Variants in IL16 observed in about 807,000 individuals in gnomAD.
The protein encoded by IL16 is interleukin 16.
IL16 carries 67 observed loss-of-function variants against 110.1 expected under a neutral mutation model. That is an observed-to-expected ratio of 0.61 (90% CI 0.50 to 0.75). The LOEUF (loss-of-function observed/expected upper bound fraction) is 0.75. IL16 is among the 30% of genes least tolerant of loss of function. The pLI is 0.00. For missense variants in IL16, 1,545 were observed against 1,655.0 expected, an observed-to-expected ratio of 0.93 and a Z score of 1.15; for synonymous variants, 689 against 662.9, an observed-to-expected ratio of 1.04 and a Z score of -0.61.
intron 1 of IL16, among the ~76,000 whole-genome samples, chr15:81,203,539 T>G (rs1367950677): frequency 5.3e-5 from 8 of 151,968 alleles, no homozygotes; most frequent in African/African-American, 1.9e-4. Flanking sequence ...TTTCTACATA[T>G]GGCTAGCCAG....
intron 1 of IL16, chr15:81,182,964 C>CAT: frequency 2.0e-6 from 2 of 988,596 alleles, no homozygotes; most frequent in Non-Finnish European, 2.8e-6. Context: ...TGGACCCTTC[C>CAT]TGACATCCTC....
Position 81,285,731 on chromosome 15 carries a change from C to T in IL16, c.1233C>T (p.Ser411=), listed in dbSNP as rs537168815. ...CGDEIVEISD[S]PVHCLTLNEV... ...ACGAGATTGTGGAAATCAGTGATTC[C>T]CCTGTGCACTGCCTGACGCTCAATG... The change falls in exon 10 of 19, where the codon TCC becomes TCT. Residue 411 remains serine (S), a synonymous_variant. Coordinates refer to ENST00000683961, the MANE Select transcript of IL16 (RefSeq NM_172217.5). 8 of 1,614,052 alleles carry T rather than the reference C, an allele frequency of 5.0e-6. No individual in the cohort carries two copies. The highest frequency in any genetic ancestry group is 4.4e-5 in the South Asian group (4 of 91,070).
In IL16 at chr15:81,313,463, C is replaced by T. The variant is rs1363935647; in HGVS notation, c.*4665C>T. The T allele has an allele frequency of 7.0e-7, 1 of 1,431,988 alleles. No homozygotes were observed. Among genetic ancestry groups the T allele is most frequent in the Non-Finnish European group, 9.2e-7 (1 of 1,085,082 alleles). The allele number at this position is 1,431,988 out of a possible 1,614,324, so 88.7% of individuals were successfully genotyped here. A position where few individuals can be genotyped will look rare whatever the true frequency, so the allele number is the denominator to read the frequency against. On this transcript the variant is annotated 3_prime_UTR_variant, in exon 19 of 19. Transcript: ENST00000683961. ...GCAGCAGAGGTGCTGGGGACGAGCG[C>T]CAGGCAGGTGAGCAGAGCCCAGCCC...
At chr15:81,263,774 AC>A (rs1435857938) in intron 3 of IL16, among the ~76,000 whole-genome samples, 6 of 152,266 alleles carry the variant, frequency 3.9e-5, no homozygotes, top group South Asian at 2.1e-4. Context: ...CAAAGCATGC[AC>A]CACTGGCCAC....
chr15:81,232,310 C>A (rs1469510612), intron 2 of IL16, among the ~76,000 whole-genome samples: 2 of 152,060 alleles, frequency 1.3e-5, no homozygotes, highest in African/African-American at 4.8e-5. Flanking sequence ...CTCTATTTCT[C>A]CCCTTCCAAT....
chr15:81,227,341 G>A (rs1010076877), intron 2 of IL16, among the ~76,000 whole-genome samples: 2 of 152,112 alleles, frequency 1.3e-5, no homozygotes, highest in African/African-American at 4.8e-5. Context: ...TGATGAGGAG[G>A]GGTTACTGCT....
chr15:81,295,728 C>T (rs901279169), intron 12 of IL16, among the ~76,000 whole-genome samples: 1 of 152,200 alleles, frequency 6.6e-6, no homozygotes, highest in Admixed American at 6.5e-5. Flanking sequence ...GTAGGGAACT[C>T]GAGCTGAGGC....
chr15:81,282,039 G>A (rs1303705966), intron 8 of IL16, among the ~76,000 whole-genome samples: 3 of 152,162 alleles, frequency 2.0e-5, no homozygotes, highest in South Asian at 2.1e-4. Flanking sequence ...GAATAAACCC[G>A]TTCACTGACA....
chr15:81,295,507 G>C (rs931559597), intron 12 of IL16: 3 of 1,289,390 alleles, frequency 2.3e-6, no homozygotes, highest in Non-Finnish European at 3.0e-6. Context: ...TCAACTTACA[G>C]AGCTCCCAAC....
chr15:81,253,794 CCA>C (rs2142157946), intron 2 of IL16, among the ~76,000 whole-genome samples: 1 of 152,262 alleles, frequency 6.6e-6, no homozygotes, highest in South Asian at 2.1e-4. Flanking sequence ...CTGAGCTATG[CCA>C]TTGGCAGTGG....
chr15:81,183,374 G>C (rs566419397), intron 1 of IL16, among the ~76,000 whole-genome samples: 2 of 152,222 alleles, frequency 1.3e-5, no homozygotes, highest in Non-Finnish European at 2.9e-5. Flanking sequence ...GCTGGTCTCT[G>C]GAGCAGATCT....
At chr15:81,298,823 G>A (rs751838997) in intron 13 of IL16, among the ~76,000 whole-genome samples, 11 of 152,240 alleles carry the variant, frequency 7.2e-5, no homozygotes, top group Admixed American at 5.2e-4. Flanking sequence ...GAGAGGGAGC[G>A]TGAAGAGCTG....
At chr15:81,231,076 T>G (rs1258375025) in intron 2 of IL16, among the ~76,000 whole-genome samples, 3 of 152,062 alleles carry the variant, frequency 2.0e-5, no homozygotes, top group African/African-American at 7.2e-5. Context: ...CAGTGGCTCA[T>G]GCCTGTAATC....
chr15:81,245,831 G>T (rs1298405859), intron 2 of IL16, among the ~76,000 whole-genome samples: 4 of 135,348 alleles, frequency 3.0e-5, no homozygotes, highest in Admixed American at 8.6e-5. Context: ...AAGTCATCTT[G>T]TCATTCCTTG....
rs148913744 is a variant in IL16, at chr15:81,308,832, C to T, written c.*34C>T. On this transcript the variant is annotated 3_prime_UTR_variant, in exon 19 of 19. Transcript: ENST00000683961. ...TGCTGAAGCCAAAGCCAATAACACACAGCTAACACACAGCTCCCATAACCG... is the reference window on the plus strand; with the variant it reads ...TGCTGAAGCCAAAGCCAATAACACATAGCTAACACACAGCTCCCATAACCG... 169 of 1,553,098 alleles carry T rather than the reference C, an allele frequency of 1.1e-4. No homozygotes were observed. In the African/African-American group the frequency reaches 1.9e-3, roughly 18 times the overall value.
chr15:81,195,348 T>G (rs1195083059), upstream of IL16, among the ~76,000 whole-genome samples: 5 of 152,186 alleles, frequency 3.3e-5, no homozygotes, highest in African/African-American at 1.2e-4. Flanking sequence ...CAGAGCAAGA[T>G]GGAAGTGGGG....
chr15:81,220,204 G>A (rs1208809780), intron 1 of IL16, among the ~76,000 whole-genome samples: 5 of 151,994 alleles, frequency 3.3e-5, no homozygotes, highest in Admixed American at 1.3e-4. Flanking sequence ...CTGTGATTTC[G>A]GCTCACTGCA....
chr15:81,230,694 A>G (rs568527406), intron 2 of IL16, among the ~76,000 whole-genome samples: 3 of 152,190 alleles, frequency 2.0e-5, no homozygotes, highest in Non-Finnish European at 2.9e-5. Context: ...TCATTTCCCT[A>G]GAATATTCCA....
At chr15:81,264,083 A>G (rs1032514344) in intron 3 of IL16, among the ~76,000 whole-genome samples, 4 of 151,964 alleles carry the variant, frequency 2.6e-5, no homozygotes, top group Admixed American at 2.6e-4. Context: ...TCTATTAAAC[A>G]CTCCGGATAA....
Sources: gnomAD v4.1 joint callset for allele counts (sites outside exome capture counted in the v4.1 genomes callset) on GRCh38, gnomAD v4.1.1 for gene constraint, MANE v1.5 for transcripts, NCBI Gene and HGNC (gene_info 2026-07-23, HGNC 2026-07-21) for gene names.